SDK2: variants seen among roughly 807,000 people sequenced by gnomAD.
SDK2 encodes the protein protein sidekick-2.
SDK2 carries 105 observed loss-of-function variants against 253.9 expected under a neutral mutation model. The observed-to-expected ratio is 0.41, with a 90% CI of 0.35 to 0.49. The LOEUF is 0.49. SDK2 is among the 20% of genes least tolerant of loss of function. The probability of loss-of-function intolerance (pLI) is 0.06; values close to 1 mark genes in which losing one functional copy is unlikely to be tolerated. For missense variants in SDK2, 2,608 were observed against 3,003.0 expected, an observed-to-expected ratio of 0.87 and a Z score of 3.07; for synonymous variants, 1,249 against 1,234.9, an observed-to-expected ratio of 1.01 and a Z score of -0.24.
chr17:73,386,740 AG>A (rs1484854941), intron 30 of SDK2, among the ~76,000 whole-genome samples, 192 bp from the exon 31 acceptor site: 6 of 152,176 alleles, frequency 3.9e-5, no homozygotes, highest in Non-Finnish European at 8.8e-5. Flanking sequence ...ACCCGGCCCC[AG>A]GGGTCCCAAG....
At chr17:73,350,023 T>A (rs2062520269) in intron 43 of SDK2, among the ~76,000 whole-genome samples, 1 of 152,082 alleles carries the variant, frequency 6.6e-6, no homozygotes, top group Non-Finnish European at 1.5e-5. Flanking sequence ...ACCCCCAGGC[T>A]GTGATTGGGC....
chr17:73,620,112 T>C (rs1466686809), intron 1 of SDK2, among the ~76,000 whole-genome samples: 3 of 151,674 alleles, frequency 2.0e-5, no homozygotes, highest in Admixed American at 2.0e-4. Context: ...GGTAGGAGGA[T>C]TGCTTAAGCC....
intron 2 of SDK2, among the ~76,000 whole-genome samples, chr17:73,497,909 T>G (rs765578326): frequency 6.6e-6 from 1 of 152,152 alleles, no homozygotes; most frequent in Non-Finnish European, 1.5e-5. Context: ...GGACCTTCTT[T>G]CAGATCCTCC....
In SDK2 at chr17:73,457,345, C is replaced by CTCTT. The variant is rs1244598735; in HGVS notation, c.332-1296_332-1293dup. 1.1e-3 allele frequency among the ~76,000 whole-genome samples: 151 copies of CTCTT among 131,928 alleles called. 3 individuals carry two copies. The Middle Eastern group carries it at 0.012, about 10-fold the overall frequency. 86.5% of individuals were successfully genotyped at this position (131,928 alleles called of 152,430 possible). A position where few individuals can be genotyped will look rare whatever the true frequency, so the allele number is the denominator to read the frequency against. On this transcript the variant is annotated intron_variant, in intron 3 of 44. Coordinates refer to ENST00000392650, the MANE Select transcript of SDK2 (RefSeq NM_001144952.2). ...CTCCTCCCCTCCCCTCTCCTCTCCT[C>CTCTT]TCTTTCTTTCTTTCTTTCTTTCATC...
chr17:73,393,766 C>T lies in SDK2; in HGVS notation c.3709-17G>A, dbSNP rs1463361333. 2 of 1,544,120 alleles carry T rather than the reference C, an allele frequency of 1.3e-6. No homozygotes were observed. Among genetic ancestry groups the T allele is most frequent in the Non-Finnish European group, 1.8e-6 (2 of 1,136,440 alleles). On this transcript the variant is annotated splice_polypyrimidine_tract_variant and intron_variant, in intron 26 of 44. Transcript: ENST00000392650. ...ATACATCACCTGTCAGGGCCCAGCA[C>T]AGGGTGAGGGCCTCAGGCCTGCATC...
rs1354593084 is a variant in SDK2 at position 73,424,089 on chromosome 17, G to A, written c.1587C>T (p.Tyr529=). Residue 529 remains tyrosine, a synonymous_variant, in exon 13 of 45, where the codon TAC becomes TAT. Transcript: ENST00000392650. ...VTHDPRVTIR[Y]IWEKDGATLG... is the part of the protein sequence containing the mutation. ...GGGTGGCCCCGTCCTTCTCCCAGATGTACCTAAAAGTAAGAAGAACCCGTA... is the reference window on the plus strand; with the variant it reads ...GGGTGGCCCCGTCCTTCTCCCAGATATACCTAAAAGTAAGAAGAACCCGTA... 1 of 1,610,404 alleles carries A rather than the reference G, an allele frequency of 6.2e-7. No individual in the cohort carries two copies. The highest frequency in any genetic ancestry group is 1.1e-5 in the South Asian group (1 of 90,716).
At chr17:73,475,166 T>C (rs556449653) in intron 2 of SDK2, among the ~76,000 whole-genome samples, 11 of 152,168 alleles carry the variant, frequency 7.2e-5, no homozygotes, top group Admixed American at 7.2e-4. Context: ...ATTTTTATTT[T>C]TTTGAGATGG....
chr17:73,497,009 G>T (rs1043631344), intron 2 of SDK2, among the ~76,000 whole-genome samples: 2 of 152,176 alleles, frequency 1.3e-5, no homozygotes, highest in African/African-American at 4.8e-5. Flanking sequence ...TAATTCTCCT[G>T]CCTCAGCTTC....
intron 1 of SDK2, among the ~76,000 whole-genome samples, chr17:73,552,550 C>T (rs1009691933): frequency 1.3e-5 from 2 of 152,068 alleles, no homozygotes; most frequent in Non-Finnish European, 2.9e-5. Flanking sequence ...TGTACTCGGC[C>T]GGAGTACCCA....
chr17:73,395,342 C>T lies in SDK2; in HGVS notation c.3405G>A (p.Lys1135=), dbSNP rs751184995. Residue 1135 remains lysine, a synonymous_variant, in exon 25 of 45, where the codon AAG becomes AAA. Coordinates refer to ENST00000392650, the MANE Select transcript of SDK2 (RefSeq NM_001144952.2). The surrounding 1 kb of genome is among the most constrained non-coding windows in gnomAD (Gnocchi z 4.3). ...YNGNPESVGY[K]IKYSRSDGHG... is the part of the protein sequence containing the mutation. ...GCCCGTCTGACCGGCTGTACTTGAT[C>T]TTATAGCCCACGGACTCAGGGTTCC... 6.8e-5 allele frequency: 109 copies of T among 1,613,872 alleles called. No individual in the cohort carries two copies. The East Asian group carries it at 9.1e-4, about 14-fold the overall frequency.
chr17:73,344,759 T>C (rs565017300), intron 44 of SDK2, among the ~76,000 whole-genome samples: 2 of 152,214 alleles, frequency 1.3e-5, no homozygotes, highest in African/African-American at 2.4e-5. Flanking sequence ...CAGCTGAGCC[T>C]GTTGGACTCA....
intron 1 of SDK2, chr17:73,516,776 C>T (rs778979904): frequency 1.3e-5 from 2 of 152,360 alleles, no homozygotes; most frequent in Non-Finnish European, 2.9e-5. Flanking sequence ...CCGTGGCCTC[C>T]GCAGCTGTTC....
chr17:73,393,494 C>A, intron 27 of SDK2, 66 bp downstream of exon 27: 1 of 1,428,388 alleles, frequency 7.0e-7, no homozygotes, highest in Non-Finnish European at 9.3e-7. Context: ...AAGGGCAAGG[C>A]CAGATGGGCA....
At chr17:73,441,902 G>C (rs997279413) in intron 5 of SDK2, among the ~76,000 whole-genome samples, 6 of 152,304 alleles carry the variant, frequency 3.9e-5, no homozygotes, top group African/African-American at 1.4e-4. Context: ...TCCCTTGGGA[G>C]GTGATTAGGA....
Position 73,609,327 on chromosome 17 carries a change from C to T in SDK2, c.64+34698G>A, listed in dbSNP as rs963075788. 6.6e-6 allele frequency among the ~76,000 whole-genome samples: 1 copy of T among 152,114 alleles called. No individual in the cohort carries two copies. The highest frequency in any genetic ancestry group is 2.4e-5 in the African/African-American group (1 of 41,402). ...AGGAGGAGAGAGCCCAGAACTGAGT[C>T]CAGAACGCCCTGACATCAGAGGCTG... On this transcript the variant is annotated intron_variant, in intron 1 of 44. Coordinates refer to ENST00000392650, the MANE Select transcript of SDK2 (RefSeq NM_001144952.2). The surrounding 1 kb of genome is among the most constrained non-coding windows in gnomAD (Gnocchi z 4.4).
At chr17:73,537,645 G>A (rs1469982322) in intron 1 of SDK2, among the ~76,000 whole-genome samples, 1 of 152,018 alleles carries the variant, frequency 6.6e-6, no homozygotes, top group Non-Finnish European at 1.5e-5. Flanking sequence ...GTGTGGGTGG[G>A]GACGTGCCCA....
chr17:73,374,506 T>C lies in SDK2; in HGVS notation c.4980+4671A>G, dbSNP rs1180617023. 1.4e-5 allele frequency among the ~76,000 whole-genome samples: 2 copies of C among 142,840 alleles called. 1 individual carries two copies. Among genetic ancestry groups the C allele is most frequent in the East Asian group, 4.5e-4 (2 of 4,466 alleles). The allele number at this position is 142,840 out of a possible 152,430, so 93.7% of individuals were successfully genotyped here. A position where few individuals can be genotyped will look rare whatever the true frequency, so the allele number is the denominator to read the frequency against. ...TTTTTGAGATGGGGTCTCGCTCTGT[T>C]GCCCAGGCTGGAGTACAGTGGCGTG... is the stretch of plus-strand genomic sequence containing the variant. On this transcript the variant is annotated intron_variant, in intron 36 of 44. Transcript: ENST00000392650.
chr17:73,387,440 A>G (rs1016496262), intron 30 of SDK2, among the ~76,000 whole-genome samples: 2 of 152,206 alleles, frequency 1.3e-5, no homozygotes, highest in South Asian at 2.1e-4. Flanking sequence ...ACTGGAATAT[A>G]AAAAATTCAA....
chr17:73,472,738 G>C (rs370366959), intron 2 of SDK2, among the ~76,000 whole-genome samples: 1 of 152,142 alleles, frequency 6.6e-6, no homozygotes, highest in Non-Finnish European at 1.5e-5. Flanking sequence ...CCTGTAGCTC[G>C]CATAATTCCA....
Sources: gnomAD v4.1 joint callset for allele counts (sites outside exome capture counted in the v4.1 genomes callset) on GRCh38, gnomAD v4.1.1 for gene constraint, Gnocchi (gnomAD v3.1) non-coding constraint, MANE v1.5 for transcripts, NCBI Gene and HGNC (gene_info 2026-07-23, HGNC 2026-07-21) for gene names.